Variants in CPEB3 observed in about 807,000 individuals in gnomAD.
The protein encoded by CPEB3 is cytoplasmic polyadenylation element binding protein 3, also known as cytoplasmic polyadenylation element-binding protein 3.
CPEB3 carries 20 observed loss-of-function variants against 67.2 expected under a neutral mutation model. That is an observed-to-expected ratio of 0.30 (90% CI 0.21 to 0.43). CPEB3 has a LOEUF of 0.43. Ranked by LOEUF, CPEB3 falls within the 20% of genes least tolerant of loss-of-function variation. CPEB3 has a pLI of 1.00. For missense variants in CPEB3, 746 were observed against 968.6 expected (o/e 0.77, Z 3.05); for synonymous variants, 376 against 393.1 (o/e 0.96, Z 0.51).
intron 7 of CPEB3, among the ~76,000 whole-genome samples, chr10:92,094,840 C>CACAG (rs1843786099): frequency 6.7e-6 from 1 of 148,216 alleles, no homozygotes; most frequent in African/African-American, 2.5e-5. Flanking sequence ...CACACACACA[C>CACAG]AGAGATGTAT....
chr10:92,060,202 T>TA (rs772598098), intron 9 of CPEB3, among the ~76,000 whole-genome samples: 8 of 151,298 alleles, frequency 5.3e-5, no homozygotes, highest in South Asian at 4.2e-4. Flanking sequence ...ACCAAAAATA[T>TA]AAAAAAATTA....
intron 2 of CPEB3, among the ~76,000 whole-genome samples, chr10:92,233,428 C>G (rs538718097): frequency 7.3e-4 from 111 of 151,208 alleles, no homozygotes; most frequent in African/African-American, 2.5e-3. Flanking sequence ...TCCCAGCTAC[C>G]AGGGAGGTTG....
chr10:92,089,487 G>GA (rs983940375), intron 8 of CPEB3, among the ~76,000 whole-genome samples: 26 of 151,812 alleles, frequency 1.7e-4, no homozygotes, highest in Non-Finnish European at 3.1e-4. Flanking sequence ...TAGCTTAGTT[G>GA]AAAAAAAAGA....
intron 9 of CPEB3, among the ~76,000 whole-genome samples, chr10:92,068,237 C>T (rs1226481397): frequency 1.3e-5 from 2 of 151,774 alleles, no homozygotes; most frequent in East Asian, 3.9e-4. Context: ...GTATCTGGCA[C>T]AGTCTGGTTT....
Position 92,059,325 on chromosome 10 carries a change from C to CAAA in CPEB3, c.1870-6889_1870-6887dup, listed in dbSNP as rs61034093. On this transcript the variant is annotated intron_variant, in intron 9 of 9. Transcript: ENST00000265997. Reference sequence around the variant, plus strand: ...CTGGGTGACAAAAGTGAAACTCTGTCAAAAAAAAAACAAAGAAAAAGCAAA... The same window carrying CAAA: ...CTGGGTGACAAAAGTGAAACTCTGTCAAAAAAAAAAAAACAAAGAAAAAGCAAA... 1.1e-4 allele frequency among the ~76,000 whole-genome samples: 11 copies of CAAA among 101,230 alleles called. 1 individual carries two copies. The highest frequency in any genetic ancestry group is 1.9e-4 in the African/African-American group (5 of 26,692). 66.4% of individuals were successfully genotyped at this position (101,230 alleles called of 152,430 possible). A position where few individuals can be genotyped will look rare whatever the true frequency, so the allele number is the denominator to read the frequency against.
chr10:92,263,461 C>G (rs752222745), intron 1 of CPEB3, among the ~76,000 whole-genome samples: 1 of 152,172 alleles, frequency 6.6e-6, no homozygotes, highest in Admixed American at 6.6e-5. Context: ...TGGATGAGAT[C>G]GTCCAGTGGA....
intron 2 of CPEB3, among the ~76,000 whole-genome samples, chr10:92,226,478 T>C (rs1850980514): frequency 1.3e-5 from 2 of 152,208 alleles, no homozygotes; most frequent in African/African-American, 4.8e-5. Flanking sequence ...TACATGTAAA[T>C]GACCAATAAA....
At chr10:92,069,803 C>T (rs1842686983) in intron 9 of CPEB3, among the ~76,000 whole-genome samples, 1 of 152,288 alleles carries the variant, frequency 6.6e-6, no homozygotes. Flanking sequence ...CACGGGAACA[C>T]TTTGTCAATG....
At chr10:92,168,872 T>C (rs1312666045) in intron 4 of CPEB3, among the ~76,000 whole-genome samples, 1 of 146,600 alleles carries the variant, frequency 6.8e-6, no homozygotes, top group African/African-American at 2.5e-5. Context: ...CTCAGCTCAC[T>C]GCAACCTCTG....
At chr10:92,077,887 C>T (rs1404385725) in intron 9 of CPEB3, among the ~76,000 whole-genome samples, 2 of 151,964 alleles carry the variant, frequency 1.3e-5, no homozygotes, top group South Asian at 2.1e-4. Flanking sequence ...TGGAGCTGGT[C>T]CCTGAGGGGA....
rs1852221075 is a variant in CPEB3 at position 92,049,723 on chromosome 10, A to G, written c.*2489T>C. 2.0e-5 allele frequency: 3 copies of G among 152,558 alleles called. No homozygotes were observed. In the South Asian group the frequency reaches 6.2e-4, roughly 32 times the overall value. The allele number at this position is 152,558 out of a possible 1,614,324, so 9.5% of individuals were successfully genotyped here. On this transcript the variant is annotated 3_prime_UTR_variant, in exon 10 of 10. Transcript: ENST00000265997. ...CTTCACTTTAGCTTTATGCTGTACA[A>G]TCTTCCAGCTTTTAAAAAAATCTCA...
At chr10:92,202,632 A>G (rs892372296) in intron 2 of CPEB3, among the ~76,000 whole-genome samples, 5 of 151,878 alleles carry the variant, frequency 3.3e-5, no homozygotes, top group Non-Finnish European at 2.9e-5. Context: ...AAAATTACAT[A>G]TGATATTTCA....
chr10:92,198,042 G>T (rs977161832), intron 2 of CPEB3, among the ~76,000 whole-genome samples: 1 of 152,158 alleles, frequency 6.6e-6, no homozygotes, highest in African/African-American at 2.4e-5. Flanking sequence ...GGAGGCGGAG[G>T]CTGCAGTGAG....
intron 3 of CPEB3, among the ~76,000 whole-genome samples, chr10:92,190,104 C>G (rs1175022872): frequency 6.6e-6 from 1 of 151,422 alleles, no homozygotes; most frequent in Non-Finnish European, 1.5e-5. Flanking sequence ...ATGGTGACAC[C>G]CCGTCTCTAC....
intron 6 of CPEB3, among the ~76,000 whole-genome samples, chr10:92,118,265 G>A (rs184348111): frequency 6.5e-4 from 99 of 152,224 alleles, no homozygotes; most frequent in African/African-American, 2.3e-3. Flanking sequence ...CCAAGTAGCT[G>A]GGATTACAGG....
chr10:92,239,219 G>A lies in CPEB3; in HGVS notation c.1005+127C>T. ...CAGCCCTAAAGAACTGGAGGCTTCG[G>A]AAGGGGAAAGAGGAGCTGGACATTG... is the stretch of plus-strand genomic sequence containing the variant. On this transcript the variant is annotated intron_variant, in intron 2 of 9. Coordinates refer to ENST00000265997, the MANE Select transcript of CPEB3 (RefSeq NM_014912.5). The surrounding 1 kb of genome is among the most constrained non-coding windows in gnomAD (Gnocchi z 6.0). 2 of 1,055,124 alleles carry A rather than the reference G, an allele frequency of 1.9e-6. No individual in the cohort carries two copies. Among genetic ancestry groups the A allele is most frequent in the South Asian group, 1.6e-5 (1 of 63,336 alleles). 65.4% of individuals were successfully genotyped at this position (1,055,124 alleles called of 1,614,324 possible).
At chr10:92,063,829 T>C (rs931481709) in intron 9 of CPEB3, among the ~76,000 whole-genome samples, 8 of 150,982 alleles carry the variant, frequency 5.3e-5, no homozygotes, top group African/African-American at 1.9e-4. Context: ...TATGAGTGAC[T>C]AGAAGGCAAG....
chr10:92,241,121 T>C (rs903993531), intron 1 of CPEB3, among the ~76,000 whole-genome samples: 3 of 152,214 alleles, frequency 2.0e-5, no homozygotes, highest in Non-Finnish European at 4.4e-5. Flanking sequence ...TGCTTCTTGT[T>C]ACTCTAAGGA....
chr10:92,208,285 T>G (rs1197984269), intron 2 of CPEB3, among the ~76,000 whole-genome samples: 1 of 152,156 alleles, frequency 6.6e-6, no homozygotes, highest in Non-Finnish European at 1.5e-5. Context: ...GGCTACACAT[T>G]TTACAAGTCT....
Sources: allele counts gnomAD v4.1 joint callset (sites outside exome capture counted in the v4.1 genomes callset), GRCh38; gene constraint gnomAD v4.1.1; non-coding constraint Gnocchi (gnomAD v3.1); transcripts MANE v1.5; gene names NCBI Gene and HGNC (gene_info 2026-07-23, HGNC 2026-07-21).